WDPCP: variants seen among roughly 807,000 people sequenced by gnomAD.
WDPCP encodes WD repeat-containing and planar cell polarity effector protein fritz homolog.
WDPCP carries 71 observed loss-of-function variants against 93.1 expected under a neutral mutation model. The observed-to-expected ratio is 0.76, with a 90% confidence interval of 0.63 to 0.93. The LOEUF is 0.93. Among genes scored for constraint, WDPCP ranks in the 40% least tolerant of loss-of-function variants. WDPCP has a pLI of 0.00. For synonymous variants in WDPCP, 315 were observed against 315.0 expected (o/e 1.00, Z 0.00); for missense variants, 844 against 887.4 (o/e 0.95, Z 0.62).
intron 12 of WDPCP, among the ~76,000 whole-genome samples, chr2:63,372,036 C>G (rs999971047): frequency 1.3e-5 from 2 of 152,162 alleles, no homozygotes; most frequent in African/African-American, 4.8e-5. Context: ...GTAGCCTATA[C>G]AGGTAGCATG....
At chr2:63,262,578 AT>A in intron 13 of WDPCP, among the ~76,000 whole-genome samples, 1 of 151,678 alleles carries the variant, frequency 6.6e-6, no homozygotes, top group East Asian at 1.9e-4. Flanking sequence ...AACAAGAAAC[AT>A]ACCCATATAT....
chr2:63,768,392 A>G (rs1370201172), intron 2 of WDPCP, among the ~76,000 whole-genome samples: 1 of 122,792 alleles, frequency 8.1e-6, no homozygotes, highest in African/African-American at 3.1e-5. Flanking sequence ...CTGCATTTTT[A>G]TGAGTTTTAG....
intron 2 of WDPCP, among the ~76,000 whole-genome samples, chr2:63,694,037 T>G (rs73937260): frequency 6.6e-6 from 1 of 152,196 alleles, no homozygotes; most frequent in Non-Finnish European, 1.5e-5. Flanking sequence ...ATTTTTAAAT[T>G]CTTCTCTGCA....
At chr2:63,734,208 G>A (rs1193804547) in intron 2 of WDPCP, among the ~76,000 whole-genome samples, 1 of 151,752 alleles carries the variant, frequency 6.6e-6, no homozygotes, top group African/African-American at 2.4e-5. Context: ...CAGATATTTG[G>A]AAATTATTCT....
chr2:63,432,946 C>T (rs1194747217), intron 9 of WDPCP, among the ~76,000 whole-genome samples: 1 of 152,082 alleles, frequency 6.6e-6, no homozygotes, highest in Non-Finnish European at 1.5e-5. Flanking sequence ...GGAAATACTC[C>T]TTAAAGTCTA....
intron 1 of WDPCP, among the ~76,000 whole-genome samples, chr2:63,568,880 A>G (rs749164546): frequency 1.3e-5 from 2 of 152,252 alleles, no homozygotes; most frequent in Admixed American, 6.5e-5. Context: ...AGCTAACAAC[A>G]TAAAGTACAC....
At chr2:63,269,478 A>G (rs1682445172) in intron 13 of WDPCP, among the ~76,000 whole-genome samples, 1 of 152,172 alleles carries the variant, frequency 6.6e-6, no homozygotes, top group African/African-American at 2.4e-5. Context: ...CTGGGACTTC[A>G]TTACCTTTCA....
At chr2:63,596,067 G>T (rs1162077390) in intron 3 of WDPCP, among the ~76,000 whole-genome samples, 5 of 152,128 alleles carry the variant, frequency 3.3e-5, no homozygotes, top group Non-Finnish European at 7.4e-5. Flanking sequence ...AAACCCAGAA[G>T]AGCTCAGCTA....
chr2:63,153,211 T>G (rs1671998546), intron 16 of WDPCP: 1 of 554,094 alleles, frequency 1.8e-6, no homozygotes, highest in East Asian at 3.0e-5. Context: ...ACTTGAGAGC[T>G]TATTAGAAAT....
intron 2 of WDPCP, among the ~76,000 whole-genome samples, chr2:63,730,206 A>AT (rs796496113): frequency 1.8e-3 from 265 of 144,980 alleles, no homozygotes; most frequent in African/African-American, 4.4e-3. Flanking sequence ...TGTTATTCTC[A>AT]TTTTTTTTTT....
At chr2:63,453,640 C>G (rs551306489) in intron 6 of WDPCP, among the ~76,000 whole-genome samples, 1 of 152,138 alleles carries the variant, frequency 6.6e-6, no homozygotes. Context: ...AAGACACATG[C>G]ACACGTATGT....
rs758855792 is a variant in WDPCP at position 63,122,141 on chromosome 2, T to G, written c.2191-85A>C. ...TTGTATCTTTATTATTTTTAAGTAC[T>G]GAAAAATAGTGAAACAAAATAAAAT... On this transcript the variant is annotated intron_variant, in intron 17 of 17. Coordinates refer to ENST00000272321, the MANE Select transcript of WDPCP (RefSeq NM_015910.7). 4.1e-4 allele frequency: 437 copies of G among 1,057,088 alleles called. 1 individual carries two copies. The highest frequency in any genetic ancestry group is 5.7e-4 in the Non-Finnish European group (396 of 694,254). The allele number at this position is 1,057,088 out of a possible 1,614,324, so 65.5% of individuals were successfully genotyped here. A position where few individuals can be genotyped will look rare whatever the true frequency, so the allele number is the denominator to read the frequency against.
intron 1 of WDPCP, among the ~76,000 whole-genome samples, chr2:63,824,448 T>A (rs969172179): frequency 2.1e-5 from 3 of 144,786 alleles, no homozygotes; most frequent in Non-Finnish European, 3.0e-5. Context: ...CTTGGGAAGC[T>A]GAAGTGGGAG....
intron 12 of WDPCP, chr2:63,369,412 C>T (rs776790483): frequency 2.2e-6 from 1 of 456,562 alleles, no homozygotes; most frequent in South Asian, 1.5e-5. Context: ...TCTGCAGATG[C>T]AGTTCACTCT....
At chr2:63,204,352 T>TG (rs1292386702) in intron 14 of WDPCP, among the ~76,000 whole-genome samples, 1 of 146,290 alleles carries the variant, frequency 6.8e-6, no homozygotes, top group Non-Finnish European at 1.5e-5. Flanking sequence ...TTTTTTTTTT[T>TG]TTTTTTGAGA....
intron 2 of WDPCP, among the ~76,000 whole-genome samples, chr2:63,730,365 C>G (rs1382807635): frequency 6.6e-6 from 1 of 152,200 alleles, no homozygotes; most frequent in Non-Finnish European, 1.5e-5. Flanking sequence ...GGTTGATTTG[C>G]TACCCCTCGC....
chr2:63,313,197 C>A, intron 13 of WDPCP, 51 bp downstream of exon 13: 2 of 1,551,028 alleles, frequency 1.3e-6, no homozygotes, highest in Non-Finnish European at 1.8e-6. Flanking sequence ...CAAAAGCTGA[C>A]AACTTAGCCT....
At chr2:63,402,134 C>T (rs547899798) in intron 10 of WDPCP, among the ~76,000 whole-genome samples, 3 of 152,152 alleles carry the variant, frequency 2.0e-5, no homozygotes, top group South Asian at 4.2e-4. Context: ...TACTATGAAG[C>T]CATAAAAAAG....
At chr2:63,628,958 A>C (rs1224983614) in intron 3 of WDPCP, among the ~76,000 whole-genome samples, 2 of 152,178 alleles carry the variant, frequency 1.3e-5, no homozygotes, top group Non-Finnish European at 2.9e-5. Flanking sequence ...ACAAAACAAC[A>C]ACCACCCAAC....
Sources: allele counts gnomAD v4.1 joint callset (sites outside exome capture counted in the v4.1 genomes callset), GRCh38; gene constraint gnomAD v4.1.1; transcripts MANE v1.5; gene names NCBI Gene and HGNC (gene_info 2026-07-23, HGNC 2026-07-21).